CNTN3: variants seen among roughly 807,000 people sequenced by gnomAD.
CNTN3 encodes the protein contactin 3, also known as contactin-3.
A neutral mutation model predicts 119.1 loss-of-function variants in CNTN3; 60 were observed. The ratio of observed to expected loss-of-function variants is 0.50; its 90% confidence interval spans 0.41 to 0.62. The LOEUF is 0.62. CNTN3 is among the 20% of genes least tolerant of loss of function. The pLI, the probability that CNTN3 is intolerant of heterozygous loss-of-function variation, is 0.00. For missense variants in CNTN3, 1,101 were observed against 1,242.4 expected (o/e 0.89, Z 1.71); for synonymous variants, 450 against 438.7 (o/e 1.03, Z -0.32).
chr3:74,446,121 G>T (rs561714698), intron 4 of CNTN3, among the ~76,000 whole-genome samples: 1 of 152,136 alleles, frequency 6.6e-6, no homozygotes, highest in African/African-American at 2.4e-5. Context: ...TTGAGTCCAT[G>T]ATCTGATGCT....
At chr3:74,507,362 G>A (rs1703280852) in intron 2 of CNTN3, among the ~76,000 whole-genome samples, 1 of 150,054 alleles carries the variant, frequency 6.7e-6, no homozygotes, top group Non-Finnish European at 1.5e-5. Context: ...CAACTGCAGT[G>A]AGCCATGAAC....
intron 1 of CNTN3, among the ~76,000 whole-genome samples, chr3:74,605,467 T>C (rs1188609813): frequency 1.3e-5 from 2 of 152,180 alleles, no homozygotes; most frequent in African/African-American, 4.8e-5. Context: ...TATTGCTGCA[T>C]AAACTACCCC....
At chr3:74,504,171 C>T (rs746239825) in intron 2 of CNTN3, among the ~76,000 whole-genome samples, 4 of 152,150 alleles carry the variant, frequency 2.6e-5, no homozygotes, top group East Asian at 1.9e-4. Context: ...AAAGCACATA[C>T]TGTTTTTCCT....
intron 5 of CNTN3, among the ~76,000 whole-genome samples, chr3:74,372,881 T>C (rs1373400181): frequency 1.3e-5 from 2 of 151,900 alleles, no homozygotes; most frequent in South Asian, 2.1e-4. Context: ...GTGAAGAACA[T>C]GAGAAAAGGC....
At chr3:74,429,003 T>C (rs545535336) in intron 4 of CNTN3, among the ~76,000 whole-genome samples, 3 of 152,298 alleles carry the variant, frequency 2.0e-5, no homozygotes, top group African/African-American at 4.8e-5. Flanking sequence ...CCTAGGTGTG[T>C]AGTAGGTTAT....
chr3:74,451,127 C>G (rs991220328), intron 4 of CNTN3, among the ~76,000 whole-genome samples: 1 of 152,076 alleles, frequency 6.6e-6, no homozygotes, highest in African/African-American at 2.4e-5. Flanking sequence ...TACAGTCCCA[C>G]CAACAGTGTC....
chr3:74,305,340 G>T (rs536969744), intron 13 of CNTN3, among the ~76,000 whole-genome samples: 78 of 151,308 alleles, frequency 5.2e-4, no homozygotes, highest in Middle Eastern at 3.4e-3. Context: ...CTGGACAATT[G>T]TTTAGAAGCA....
chr3:74,536,244 C>A (rs919501668), intron 1 of CNTN3, among the ~76,000 whole-genome samples: 1 of 152,104 alleles, frequency 6.6e-6, no homozygotes, highest in African/African-American at 2.4e-5. Context: ...GATTGGAGAT[C>A]TCCTTAGCCC....
At chr3:74,517,664 G>A (rs1423009419) in intron 2 of CNTN3, among the ~76,000 whole-genome samples, 1 of 151,656 alleles carries the variant, frequency 6.6e-6, no homozygotes, top group African/African-American at 2.4e-5. Flanking sequence ...CCCTTTTCCT[G>A]AACTGCTTCC....
At chr3:74,273,453 A>G (rs1395332898) in intron 20 of CNTN3, among the ~76,000 whole-genome samples, 4 of 152,212 alleles carry the variant, frequency 2.6e-5, no homozygotes, top group Admixed American at 2.6e-4. Context: ...TTGCTCCTGC[A>G]AGACCCAGGA....
At chr3:74,276,305 G>A (rs922246356) in intron 20 of CNTN3, among the ~76,000 whole-genome samples, 6 of 151,932 alleles carry the variant, frequency 3.9e-5, no homozygotes, top group Admixed American at 2.6e-4. Flanking sequence ...AGATATATAC[G>A]GAACATTCCA....
chr3:74,440,371 G>A (rs1190646460), intron 4 of CNTN3, among the ~76,000 whole-genome samples: 1 of 151,924 alleles, frequency 6.6e-6, no homozygotes, highest in Non-Finnish European at 1.5e-5. Context: ...AGTAATATAT[G>A]TCCATTGGTG....
At chr3:74,330,979 G>T (rs146220142) in intron 13 of CNTN3, among the ~76,000 whole-genome samples, 2 of 152,156 alleles carry the variant, frequency 1.3e-5, no homozygotes, top group Non-Finnish European at 2.9e-5. Context: ...GTCTAAAAAG[G>T]TTAAAAGTTT....
intron 1 of CNTN3, among the ~76,000 whole-genome samples, chr3:74,574,626 G>A (rs569050309): frequency 2.0e-4 from 30 of 152,258 alleles, no homozygotes; most frequent in African/African-American, 6.7e-4. Context: ...TTTTTCTCTT[G>A]TAAACTGTTT....
intron 20 of CNTN3, among the ~76,000 whole-genome samples, chr3:74,278,610 A>G (rs554065294): frequency 6.6e-6 from 1 of 152,366 alleles, no homozygotes; most frequent in East Asian, 1.9e-4. Context: ...AATCAACCCA[A>G]GATGGATGAA....
At chr3:74,422,430 A>G (rs1701630592) in intron 5 of CNTN3, among the ~76,000 whole-genome samples, 1 of 152,222 alleles carries the variant, frequency 6.6e-6, no homozygotes, top group African/African-American at 2.4e-5. Flanking sequence ...TTTAAAAATG[A>G]AAGGACTACC....
At chr3:74,345,525 G>T (rs973420049) in intron 11 of CNTN3, among the ~76,000 whole-genome samples, 5 of 152,198 alleles carry the variant, frequency 3.3e-5, no homozygotes, top group Admixed American at 6.5e-5. Context: ...TTAGCTAAAA[G>T]AAATGTGGCC....
chr3:74,479,237 C>T (rs903387598), intron 4 of CNTN3, among the ~76,000 whole-genome samples: 2 of 151,912 alleles, frequency 1.3e-5, no homozygotes, highest in African/African-American at 4.8e-5. Context: ...TACAAGGACC[C>T]ACAGAGTAAC....
intron 1 of CNTN3, among the ~76,000 whole-genome samples, chr3:74,538,214 T>C (rs567672889): frequency 1.3e-5 from 2 of 152,284 alleles, no homozygotes; most frequent in East Asian, 3.9e-4. Context: ...GCTTTTTATA[T>C]AAACTTGGGG....
Sources: allele counts gnomAD v4.1 joint callset (sites outside exome capture counted in the v4.1 genomes callset), GRCh38; gene constraint gnomAD v4.1.1; transcripts MANE v1.5; gene names NCBI Gene and HGNC (gene_info 2026-07-23, HGNC 2026-07-21).